The following PRKAR1A variants were observed in gnomAD, a reference collection of about 807,000 sequenced individuals.
The protein encoded by PRKAR1A is cAMP-dependent protein kinase type I-alpha regulatory subunit.
A neutral mutation model predicts 52.0 loss-of-function variants in PRKAR1A; 3 were observed. The observed-to-expected ratio is 0.06, with a 90% confidence interval of 0.03 to 0.15. The LOEUF is 0.15. Ranked by LOEUF, PRKAR1A falls within the 10% of genes least tolerant of loss-of-function variation. PRKAR1A has a pLI of 1.00. For missense variants in PRKAR1A, 240 were observed against 477.4 expected (o/e 0.50, Z 4.63); for synonymous variants, 188 against 168.4 (o/e 1.12, Z -0.90).
At chr17:68,529,293 C>T (rs1281871204) in intron 9 of PRKAR1A, among the ~76,000 whole-genome samples, 1 of 152,098 alleles carries the variant, frequency 6.6e-6, no homozygotes, top group Non-Finnish European at 1.5e-5. Context: ...TGATTCTGCA[C>T]TATTCTTGTT....
At chr17:68,474,926 T>G in the PRKAR1A span, among the ~76,000 whole-genome samples, 2 of 152,184 alleles carry the variant, frequency 1.3e-5, no homozygotes, top group Non-Finnish European at 2.9e-5. Context: ...TGCCCAAGTT[T>G]TCCTATTTGC....
the PRKAR1A span, chr17:68,422,831 CAG>C: frequency 6.7e-6 from 1 of 149,204 alleles, no homozygotes; most frequent in Non-Finnish European, 1.5e-5. Flanking sequence ...TCACAAAATA[CAG>C]AGACTTGTAC....
the PRKAR1A span, among the ~76,000 whole-genome samples, chr17:68,496,818 C>CTTTTTTTTTTTTTTTT: frequency 7.7e-5 from 7 of 91,240 alleles, no homozygotes; most frequent in African/African-American, 1.2e-4. Context: ...TTAGTTTTTA[C>CTTTTTTTTTTTTTTTT]TTTTTTTTTT....
downstream of PRKAR1A, chr17:68,537,848 C>T (rs1160532117): frequency 3.2e-6 from 4 of 1,238,030 alleles, no homozygotes; most frequent in Admixed American, 6.0e-5. This position sits in a 1 kb window ranked among gnomAD's most constrained non-coding sequence, Gnocchi z 4.2. Context: ...CTTGGCGCCT[C>T]TCCTTGTGTC....
the PRKAR1A span, among the ~76,000 whole-genome samples, chr17:68,458,337 G>A: frequency 2.6e-5 from 4 of 152,218 alleles, no homozygotes; most frequent in Non-Finnish European, 5.9e-5. Flanking sequence ...TAGAATGTCT[G>A]CATGTCTGCT....
chr17:68,480,594 C>T, the PRKAR1A span, among the ~76,000 whole-genome samples: 1 of 152,200 alleles, frequency 6.6e-6, no homozygotes, highest in African/African-American at 2.4e-5. Flanking sequence ...GTTGCCCAGA[C>T]TGGAGTGCAG....
At chr17:68,426,243 G>GA in the PRKAR1A span, 3 of 935,360 alleles carry the variant, frequency 3.2e-6, 1 homozygote, top group Admixed American at 8.0e-5. Context: ...CCTGGCGGGT[G>GA]GGGAGCGGGG....
chr17:68,537,742 C>T (rs1209016909), downstream of PRKAR1A: 3 of 1,609,070 alleles, frequency 1.9e-6, no homozygotes, highest in Non-Finnish European at 2.5e-6. This position sits in a 1 kb window ranked among gnomAD's most constrained non-coding sequence, Gnocchi z 4.2. Flanking sequence ...CTTTTTTATC[C>T]TGAAAAGACA....
chr17:68,426,396 C>A, the PRKAR1A span, among the ~76,000 whole-genome samples: 1 of 152,166 alleles, frequency 6.6e-6, no homozygotes, highest in African/African-American at 2.4e-5. Context: ...GGCATCCTAC[C>A]TCTTTGAATT....
intron 11 of PRKAR1A, chr17:68,539,979 G>A: frequency 1.2e-6 from 2 of 1,613,550 alleles, no homozygotes; most frequent in Middle Eastern, 1.6e-4. Flanking sequence ...GTGAAGGAGG[G>A]GAGGACTTAG....
chr17:68,542,607 G>C (rs1229759992), intron 11 of PRKAR1A: 2 of 980,520 alleles, frequency 2.0e-6, no homozygotes, highest in East Asian at 2.4e-5. Context: ...CTAGCAGCAG[G>C]GTGTCAGGCC....
intron 2 of PRKAR1A, among the ~76,000 whole-genome samples, chr17:68,519,427 C>G (rs2085534435): frequency 6.6e-6 from 1 of 152,192 alleles, no homozygotes; most frequent in South Asian, 2.1e-4. Context: ...CCCCTCAAAA[C>G]TGTCAGATGT....
chr17:68,539,830 C>T lies in PRKAR1A; in HGVS notation c.973+9829C>T, dbSNP rs375017507. On this transcript the variant is annotated intron_variant, in intron 11 of 11. Transcript: ENST00000585981. ...TCTGTTTCCCCCGAGCAGCTGGCTG[C>T]ACAGAGCAGCACATCTGGGAGAGGG... 61 of 1,562,878 alleles carry T rather than the reference C, an allele frequency of 3.9e-5. No individual in the cohort carries two copies. The African/African-American group carries it at 7.2e-4, about 18-fold the overall frequency.
rs770395423 is a variant in PRKAR1A at position 68,540,835 on chromosome 17, G to A, written c.974-10249G>A. 23 of 1,586,550 alleles carry A rather than the reference G, an allele frequency of 1.4e-5. No homozygotes were observed. The highest frequency in any genetic ancestry group is 9.1e-5 in the South Asian group (8 of 87,746). On this transcript the variant is annotated intron_variant, in intron 11 of 11. Transcript: ENST00000585981. ...GAGCCCACTTCTGCTGGGGGCCTGCGTGTGGGGACCTACCTATCAAGAAGT... is the reference window on the plus strand; with the variant it reads ...GAGCCCACTTCTGCTGGGGGCCTGCATGTGGGGACCTACCTATCAAGAAGT...
upstream of PRKAR1A, among the ~76,000 whole-genome samples, chr17:68,510,724 C>T (rs2085252774): frequency 6.6e-6 from 1 of 152,198 alleles, no homozygotes; most frequent in Non-Finnish European, 1.5e-5. Context: ...TGGAGAAGGG[C>T]CAATGGTCAA....
chr17:68,420,423 G>A, the PRKAR1A span: 1 of 1,614,184 alleles, frequency 6.2e-7, no homozygotes, highest in Non-Finnish European at 8.5e-7. Context: ...ACTCCCTGCT[G>A]TAATCCCTAC....
the PRKAR1A span, among the ~76,000 whole-genome samples, chr17:68,498,512 G>A: frequency 6.6e-6 from 1 of 152,228 alleles, no homozygotes; most frequent in African/African-American, 2.4e-5. Context: ...AGATAAATTG[G>A]AAAAGATAAG....
At chr17:68,519,351 G>C (rs1415011600) in intron 2 of PRKAR1A, among the ~76,000 whole-genome samples, 1 of 152,138 alleles carries the variant, frequency 6.6e-6, no homozygotes, top group Non-Finnish European at 1.5e-5. Flanking sequence ...TGGCAGAAGG[G>C]GAAGCAAACA....
At chr17:68,537,697 G>C (rs1600512046), downstream of PRKAR1A, 1 of 1,613,648 alleles carries the variant, frequency 6.2e-7, no homozygotes, top group South Asian at 1.1e-5. This position sits in a 1 kb window ranked among gnomAD's most constrained non-coding sequence, Gnocchi z 4.2. Context: ...TCTGTAGTCA[G>C]CTTGGGCCAG....
Sources: gnomAD v4.1 joint callset for allele counts (sites outside exome capture counted in the v4.1 genomes callset) on GRCh38, gnomAD v4.1.1 for gene constraint, Gnocchi (gnomAD v3.1) non-coding constraint, MANE v1.5 for transcripts, NCBI Gene and HGNC (gene_info 2026-07-23, HGNC 2026-07-21) for gene names.